Variants in MAML2 observed in about 807,000 individuals in gnomAD.
MAML2 encodes the protein mastermind-like protein 2.
MAML2 carries 22 observed loss-of-function variants against 96.1 expected under a neutral mutation model. The ratio of observed to expected loss-of-function variants is 0.23; its 90% CI spans 0.16 to 0.33. The LOEUF is 0.33. Ranked by LOEUF, MAML2 falls within the 10% of genes least tolerant of loss-of-function variation. The probability of loss-of-function intolerance (pLI) is 1.00; values close to 1 mark genes in which losing one functional copy is unlikely to be tolerated. For missense variants in MAML2, 1,367 were observed against 1,392.4 expected, an observed-to-expected ratio of 0.98 and a Z score of 0.29; for synonymous variants, 561 against 521.3, an observed-to-expected ratio of 1.08 and a Z score of -1.04.
intron 1 of MAML2, among the ~76,000 whole-genome samples, chr11:96,310,787 C>T (rs567079237): frequency 1.2e-4 from 18 of 152,356 alleles, no homozygotes; most frequent in African/African-American, 4.1e-4. Context: ...GTCAACTCTT[C>T]TGCGTCCAGT....
At chr11:96,223,010 G>C (rs1862161674) in intron 1 of MAML2, among the ~76,000 whole-genome samples, 1 of 152,006 alleles carries the variant, frequency 6.6e-6, no homozygotes, top group Non-Finnish European at 1.5e-5. Context: ...CTAACCTTTA[G>C]TTTTGGATTT....
intron 1 of MAML2, among the ~76,000 whole-genome samples, chr11:96,270,969 C>T (rs1008719666): frequency 6.6e-6 from 1 of 152,202 alleles, no homozygotes; most frequent in African/African-American, 2.4e-5. Context: ...AAAGAGCAGA[C>T]TTGCTGAGTC....
chr11:96,206,360 G>A (rs1842426119), intron 1 of MAML2, among the ~76,000 whole-genome samples: 5 of 152,184 alleles, frequency 3.3e-5, no homozygotes, highest in Admixed American at 2.0e-4. Context: ...CACTTTGGGA[G>A]GCCGAGGCGG....
chr11:96,124,187 C>G (rs1032098972), intron 1 of MAML2, among the ~76,000 whole-genome samples: 1 of 151,418 alleles, frequency 6.6e-6, no homozygotes, highest in African/African-American at 2.4e-5. Flanking sequence ...GATTCCTACA[C>G]TATTTCCTCT....
intron 1 of MAML2, among the ~76,000 whole-genome samples, chr11:96,186,992 G>A (rs1861586108): frequency 6.6e-6 from 1 of 152,230 alleles, no homozygotes; most frequent in African/African-American, 2.4e-5. Context: ...TCAAACAAAT[G>A]TGAATAGTGC....
At chr11:96,299,113 C>A in intron 1 of MAML2, among the ~76,000 whole-genome samples, 1 of 135,860 alleles carries the variant, frequency 7.4e-6, no homozygotes, top group Non-Finnish European at 1.6e-5. Flanking sequence ...AACACAAAGC[C>A]AAGTTGGTAT....
Position 96,182,732 on chromosome 11 carries a change from A to G in MAML2, c.514-89215T>C, listed in dbSNP as rs1359551648. Among the ~76,000 whole-genome samples, 8 of 152,298 alleles carry G rather than the reference A, an allele frequency of 5.3e-5. No individual in the cohort carries two copies. In the East Asian group the frequency reaches 1.5e-3, roughly 29 times the overall value. ...GTCCACACAGCTAGTAAGAGGGCAT[A>G]CCTGAGATTCAAACTCAGGTCTCAC... On this transcript the variant is annotated intron_variant, in intron 1 of 4. Transcript: ENST00000524717.
At position 96,095,867 on chromosome 11, in the gene MAML2, A is replaced by G. The variant is rs187551636; in HGVS notation, c.514-2350T>C. ...AGGCATGCTTTGTACCTGGGTGTGA[A>G]GCTTCCCCTCTCCCCACATCTCTGC... On this transcript the variant is annotated intron_variant, in intron 1 of 4. Transcript: ENST00000524717. Among the ~76,000 whole-genome samples, 7 of 152,214 alleles carry G rather than the reference A, an allele frequency of 4.6e-5. No individual in the cohort carries two copies. The East Asian group carries it at 1.4e-3, about 29-fold the overall frequency.
At chr11:96,212,543 A>G (rs1660212464) in intron 1 of MAML2, among the ~76,000 whole-genome samples, 1 of 152,198 alleles carries the variant, frequency 6.6e-6, no homozygotes, top group Non-Finnish European at 1.5e-5. Context: ...GGAAGCAGAG[A>G]TTGTCATCAT....
At chr11:96,111,446 T>C (rs1478025435) in intron 1 of MAML2, among the ~76,000 whole-genome samples, 1 of 152,228 alleles carries the variant, frequency 6.6e-6, no homozygotes, top group African/African-American at 2.4e-5. Context: ...TGAGTGTTCT[T>C]CTTTCCCATT....
At chr11:96,119,577 T>C (rs976850758) in intron 1 of MAML2, among the ~76,000 whole-genome samples, 10 of 152,316 alleles carry the variant, frequency 6.6e-5, no homozygotes, top group Admixed American at 1.3e-4. Flanking sequence ...TGGTAATTTG[T>C]TATGGCAACA....
chr11:96,100,042 A>G (rs1006496363), intron 1 of MAML2, among the ~76,000 whole-genome samples: 3 of 152,206 alleles, frequency 2.0e-5, no homozygotes, highest in African/African-American at 7.2e-5. Context: ...ACCAGAAGTG[A>G]AGGGGTGTAT....
At chr11:96,340,971 A>G (rs991363389) in intron 1 of MAML2, among the ~76,000 whole-genome samples, 4 of 152,218 alleles carry the variant, frequency 2.6e-5, no homozygotes, top group African/African-American at 9.6e-5. Flanking sequence ...AATAAAGGCC[A>G]GCTGGGCTGA....
intron 1 of MAML2, among the ~76,000 whole-genome samples, chr11:96,252,881 C>G (rs1408157042): frequency 6.6e-6 from 1 of 152,168 alleles, no homozygotes; most frequent in African/African-American, 2.4e-5. Flanking sequence ...CTCCATTTTC[C>G]TGACGAAGAA....
At chr11:96,196,368 C>G (rs1861731548) in intron 1 of MAML2, among the ~76,000 whole-genome samples, 1 of 152,132 alleles carries the variant, frequency 6.6e-6, no homozygotes, top group Non-Finnish European at 1.5e-5. Context: ...TCAAAGTGAC[C>G]ACTGTTTTGG....
intron 1 of MAML2, among the ~76,000 whole-genome samples, chr11:96,243,682 C>T (rs1220957999): frequency 7.3e-6 from 1 of 137,756 alleles, no homozygotes; most frequent in African/African-American, 2.7e-5. Flanking sequence ...GAGACGGAGT[C>T]TCGCTTTGTC....
intron 2 of MAML2, among the ~76,000 whole-genome samples, chr11:96,008,450 T>A (rs1017751930): frequency 6.6e-6 from 1 of 152,214 alleles, no homozygotes; most frequent in African/African-American, 2.4e-5. Context: ...TAAAATGATA[T>A]ACATTTGGGA....
intron 1 of MAML2, among the ~76,000 whole-genome samples, chr11:96,110,018 C>T (rs1329885612): frequency 1.3e-5 from 2 of 151,950 alleles, no homozygotes; most frequent in South Asian, 4.2e-4. Context: ...AGATGAAGAG[C>T]TGAACGATTA....
At chr11:95,996,999 G>T (rs550661536) in intron 2 of MAML2, among the ~76,000 whole-genome samples, 2 of 152,214 alleles carry the variant, frequency 1.3e-5, no homozygotes, top group South Asian at 2.1e-4. Flanking sequence ...GATTGTGAAA[G>T]AATTAGGCTA....
Sources: allele counts gnomAD v4.1 joint callset (sites outside exome capture counted in the v4.1 genomes callset), GRCh38; gene constraint gnomAD v4.1.1; transcripts MANE v1.5; gene names NCBI Gene and HGNC (gene_info 2026-07-23, HGNC 2026-07-21).